ZNF562: variants seen among roughly 807,000 people sequenced by gnomAD.
The protein encoded by ZNF562 is zinc finger protein 562.
Under a neutral mutation model 17.5 loss-of-function variants are expected in ZNF562, and 13 were observed. That is an observed-to-expected ratio of 0.74 (90% CI 0.48 to 1.18). The LOEUF is 1.18. ZNF562 is among the 50% of genes most tolerant of loss of function. ZNF562 has a pLI of 0.00. For missense variants in ZNF562, 481 were observed against 498.5 expected, an observed-to-expected ratio of 0.96 and a Z score of 0.33; for synonymous variants, 163 against 165.4, an observed-to-expected ratio of 0.99 and a Z score of 0.11.
intron 1 of ZNF562, among the ~76,000 whole-genome samples, chr19:9,669,723 C>CGT (rs1482759071): frequency 3.8e-5 from 3 of 79,836 alleles, no homozygotes; most frequent in African/African-American, 9.3e-5. Flanking sequence ...CGCGAGCGCG[C>CGT]GCGCGCGCGC....
In ZNF562 at chr19:9,656,736, A is replaced by G. The variant is rs1231774152; in HGVS notation, c.242-83T>C. ...AAATTAAACACAGTATGAAAATAAA[A>G]GCCACAGGCCAGGCACGGTGACTCA... On this transcript the variant is annotated intron_variant, in intron 4 of 5. Transcript: ENST00000453372. The G allele has an allele frequency of 1.9e-5, 27 of 1,432,734 alleles. No individual in the cohort carries two copies. The East Asian group carries it at 6.0e-4, about 32-fold the overall frequency. 88.8% of individuals were successfully genotyped at this position (1,432,734 alleles called of 1,614,324 possible).
intron 1 of ZNF562, among the ~76,000 whole-genome samples, chr19:9,674,259 G>T (rs1394530326): frequency 6.6e-6 from 1 of 152,184 alleles, no homozygotes; most frequent in Non-Finnish European, 1.5e-5. Flanking sequence ...TCAGGGTGGA[G>T]TAAGTAATCG....
At chr19:9,656,891 T>TATA (rs1214616956) in intron 4 of ZNF562, among the ~76,000 whole-genome samples, 1 of 149,324 alleles carries the variant, frequency 6.7e-6, no homozygotes. Context: ...TATATATATA[T>TATA]TAGCCGGGCG....
intron 1 of ZNF562, among the ~76,000 whole-genome samples, chr19:9,668,231 C>T (rs954687587): frequency 6.6e-6 from 1 of 151,680 alleles, no homozygotes; most frequent in African/African-American, 2.4e-5. Flanking sequence ...AGAAATTAGC[C>T]AGGCATGATG....
intron 1 of ZNF562, among the ~76,000 whole-genome samples, chr19:9,672,777 C>CTTTTTTT (rs869261585): frequency 8.9e-5 from 10 of 112,208 alleles, no homozygotes; most frequent in African/African-American, 2.4e-4. Context: ...TATTGCCTTT[C>CTTTTTTT]TTTTTTTTTT....
rs992651853 is a variant in ZNF562 at position 9,642,836 on chromosome 19, GGCAATATAGTGAGACACA to G, written c.*10095_*10112del. The G allele has an allele frequency of 6.6e-6, 1 of 151,066 alleles. No homozygotes were observed. Among genetic ancestry groups the G allele is most frequent in the African/African-American group, 2.4e-5 (1 of 41,024 alleles). The allele number at this position is 151,066 out of a possible 1,614,324, so 9.4% of individuals were successfully genotyped here. On this transcript the variant is annotated 3_prime_UTR_variant, in exon 6 of 6. Coordinates refer to ENST00000453372, the MANE Select transcript of ZNF562 (RefSeq NM_001130031.2). ...TGAACAGGATTTCAAGACCAGCCTG[GGCAATATAGTGAGACACA>G]GTCTCGACCAAAAAAAAAAAAATTT...
Position 9,659,456 on chromosome 19 carries a change from T to A in ZNF562, c.37A>T (p.Arg13Trp). 6.4e-7 allele frequency: 1 copy of A among 1,551,182 alleles called. No homozygotes were observed. Among genetic ancestry groups the A allele is most frequent in the Non-Finnish European group, 8.7e-7 (1 of 1,146,816 alleles). The change falls in exon 3 of 6, where the codon AGG becomes TGG. Residue 13 changes from arginine to tryptophan, a missense_variant. Arg to Trp is a moderately radical substitution (Grantham distance 101). This residue lies in a region of ZNF562 where 403 missense variants were observed against 386.4 expected (regional missense o/e 1.04). Coordinates refer to ENST00000453372, the MANE Select transcript of ZNF562 (RefSeq NM_001130031.2). The part of the protein sequence containing the change: ...AFDMSHGFFP[R>W]EPICPFEEKT... Reference sequence around the variant, plus strand: ...TCTTCAAAAGGACAGATTGGTTCCCTGGGAAAAAACCCTAGTGGAAAAGTA... The same window carrying A: ...TCTTCAAAAGGACAGATTGGTTCCCAGGGAAAAAACCCTAGTGGAAAAGTA...
Position 9,656,619 on chromosome 19 carries a change from T to C in ZNF562, c.276A>G (p.Ile92Met). The C allele has an allele frequency of 6.2e-7, 1 of 1,614,132 alleles. No individual in the cohort carries two copies. Among genetic ancestry groups the C allele is most frequent in the Non-Finnish European group, 8.5e-7 (1 of 1,179,996 alleles). Residue 92 changes from isoleucine (I) to methionine (M), a missense_variant, in exon 5 of 6, where the codon ATA becomes ATG. Transcript: ENST00000453372. ...FFFCLTSEWE[I>M]QPRTKRSSLQ... ...GTGATGACCGTTTGGTTCTAGGTTG[T>C]ATTTCCCATTCTGAAGTTAAGCAGA...
chr19:9,671,681 C>A (rs1293718664), intron 1 of ZNF562, among the ~76,000 whole-genome samples: 1 of 152,200 alleles, frequency 6.6e-6, no homozygotes, highest in Non-Finnish European at 1.5e-5. Flanking sequence ...ATCCAGCAGA[C>A]CCAGTGATAC....
intron 5 of ZNF562, among the ~76,000 whole-genome samples, chr19:9,655,385 A>C (rs1399534336): frequency 6.6e-6 from 1 of 152,236 alleles, no homozygotes; most frequent in Non-Finnish European, 1.5e-5. Context: ...CAAGTTATAC[A>C]GGTATGGAAC....
rs2074807639 is a variant in ZNF562, at chr19:9,646,487, T to C, written c.*6462A>G. ...TCAAGCTGATGTAACTATATAAATA[T>C]CTAACAGAATTAGTGGAACAGAAAA... On this transcript the variant is annotated 3_prime_UTR_variant, in exon 6 of 6. Transcript: ENST00000453372. 6.6e-6 allele frequency: 1 copy of C among 152,126 alleles called. No homozygotes were observed. Among genetic ancestry groups the C allele is most frequent in the Non-Finnish European group, 1.5e-5 (1 of 68,024 alleles). 9.4% of individuals were successfully genotyped at this position (152,126 alleles called of 1,614,324 possible).
intron 2 of ZNF562, among the ~76,000 whole-genome samples, chr19:9,660,240 G>A (rs1296894320): frequency 6.6e-6 from 1 of 151,896 alleles, no homozygotes; most frequent in African/African-American, 2.4e-5. Flanking sequence ...TCCAGCCTGG[G>A]TGACAGAGCA....
rs1238507218 is a variant in ZNF562, at chr19:9,642,425, A to C, written c.*10524T>G. On this transcript the variant is annotated 3_prime_UTR_variant, in exon 6 of 6. Transcript: ENST00000453372. ...GTACCAGGGACTACATACGTGCACC[A>C]CCACATCCAGCTAATTTTTAAAAAT... 2.6e-5 allele frequency: 4 copies of C among 151,844 alleles called. No homozygotes were observed. The highest frequency in any genetic ancestry group is 4.4e-5 in the Non-Finnish European group (3 of 67,992). 9.4% of individuals were successfully genotyped at this position (151,844 alleles called of 1,614,324 possible).
In ZNF562 at chr19:9,644,454, G is replaced by C. The variant is rs1158616402; in HGVS notation, c.*8495C>G. ...AAAATAAAAAAGTGTGAGTTTAGGT[G>C]CTGTGTTCCTTGTTGTTGTTACAGT... On this transcript the variant is annotated 3_prime_UTR_variant, in exon 6 of 6. Transcript: ENST00000453372. 1 of 152,100 alleles carries C rather than the reference G, an allele frequency of 6.6e-6. No homozygotes were observed. Among genetic ancestry groups the C allele is most frequent in the Non-Finnish European group, 1.5e-5 (1 of 68,044 alleles). The allele number at this position is 152,100 out of a possible 1,614,324, so 9.4% of individuals were successfully genotyped here. A position where few individuals can be genotyped will look rare whatever the true frequency, so the allele number is the denominator to read the frequency against.
chr19:9,669,872 G>A (rs1392364385), intron 1 of ZNF562, among the ~76,000 whole-genome samples: 2 of 151,776 alleles, frequency 1.3e-5, no homozygotes, highest in African/African-American at 4.8e-5. Context: ...GACCAGCCTG[G>A]TCAACATGGT....
intron 1 of ZNF562, among the ~76,000 whole-genome samples, chr19:9,674,285 G>A (rs1281954896): frequency 2.0e-5 from 3 of 152,166 alleles, no homozygotes; most frequent in Admixed American, 6.5e-5. Context: ...AGTCTGGGTG[G>A]AGCAGGTAAT....
rs2074844336 is a variant in ZNF562 at position 9,649,924 on chromosome 19, G to A, written c.*3025C>T. 1 of 152,256 alleles carries A rather than the reference G, an allele frequency of 6.6e-6. No homozygotes were observed. The highest frequency in any genetic ancestry group is 2.1e-4 in the South Asian group (1 of 4,824). The allele number at this position is 152,256 out of a possible 1,614,324, so 9.4% of individuals were successfully genotyped here. A position where few individuals can be genotyped will look rare whatever the true frequency, so the allele number is the denominator to read the frequency against. ...GGGGCATCACGGAACCTACCGACAT[G>A]TGATGTCTGCCCCGGACACCCAGCT... is the stretch of plus-strand genomic sequence containing the variant. On this transcript the variant is annotated 3_prime_UTR_variant, in exon 6 of 6. Coordinates refer to ENST00000453372, the MANE Select transcript of ZNF562 (RefSeq NM_001130031.2).
chr19:9,656,419 G>C, intron 5 of ZNF562, 128 bp downstream of exon 5: 1 of 944,030 alleles, frequency 1.1e-6, no homozygotes, highest in Non-Finnish European at 1.6e-6. Context: ...TGAGGCAAGA[G>C]AATCGCTTGA....
At chr19:9,669,720 GCGCGCGCGCGCGCGCACA>G (rs1234615181) in intron 1 of ZNF562, among the ~76,000 whole-genome samples, 3 of 84,872 alleles carry the variant, frequency 3.5e-5, no homozygotes, top group South Asian at 4.3e-4. Context: ...GCGCGCGAGC[GCGCGCGCGCGCGCGCACA>G]CACACACACA....
Sources: allele counts gnomAD v4.1 joint callset (sites outside exome capture counted in the v4.1 genomes callset), GRCh38; gene constraint gnomAD v4.1.1; regional missense constraint gnomAD v4.1.1; transcripts MANE v1.5; gene names NCBI Gene and HGNC (gene_info 2026-07-23, HGNC 2026-07-21).